TFCP2: variants seen among roughly 807,000 people sequenced by gnomAD.
TFCP2 encodes alpha-globin transcription factor CP2.
In TFCP2, 33 loss-of-function variants were observed where a neutral mutation model predicts 73.4. The observed-to-expected ratio is 0.45, with a 90% CI of 0.34 to 0.60. The LOEUF (loss-of-function observed/expected upper bound fraction) is 0.60. Ranked by LOEUF, TFCP2 falls within the 20% of genes least tolerant of loss-of-function variation. TFCP2 has a pLI of 0.01. For synonymous variants in TFCP2, 193 were observed against 211.6 expected (o/e 0.91, Z 0.76); for missense variants, 352 against 604.0 (o/e 0.58, Z 4.37).
At chr12:51,103,886 TC>T in intron 9 of TFCP2, 123 bp from the exon 10 acceptor site, 1 of 823,866 alleles carries the variant, frequency 1.2e-6, no homozygotes, top group Non-Finnish European at 2.0e-6. Flanking sequence ...AGTTGTTTTC[TC>T]TTTCTCCAAC....
chr12:51,133,039 G>C (rs1384693639), intron 1 of TFCP2, among the ~76,000 whole-genome samples: 1 of 151,980 alleles, frequency 6.6e-6, no homozygotes. Flanking sequence ...AGATAACAAA[G>C]CTTCTAAAAA....
intron 1 of TFCP2, among the ~76,000 whole-genome samples, chr12:51,120,048 G>A (rs1940621530): frequency 1.3e-5 from 2 of 151,504 alleles, no homozygotes; most frequent in South Asian, 2.1e-4. Flanking sequence ...GTGTGGTGGC[G>A]CATGCCTGTG....
Position 51,103,715 on chromosome 12 carries a change from G to A in TFCP2, c.1015C>T (p.Arg339Ter), listed in dbSNP as rs1046399123. ...TPQEAQQWLH[R>*]NRFSTFTRLF... ...CTTGTGAATGTAGAAAAACGATTTCGATGCAACCACTGCTGAGCTTCCTGA... is the reference window on the plus strand; with the variant it reads ...CTTGTGAATGTAGAAAAACGATTTCAATGCAACCACTGCTGAGCTTCCTGA... Residue 339 changes from arginine to a stop codon, truncating the protein, a stop_gained, in exon 10 of 15, where the codon CGA (arginine) becomes TGA (stop). Coordinates refer to ENST00000257915, the MANE Select transcript of TFCP2 (RefSeq NM_005653.5). LOFTEE classifies it high-confidence loss of function. 1.2e-6 allele frequency: 2 copies of A among 1,614,064 alleles called. No homozygotes were observed. Among genetic ancestry groups the A allele is most frequent in the Non-Finnish European group, 1.7e-6 (2 of 1,179,992 alleles).
chr12:51,152,914 T>C (rs980461043), intron 1 of TFCP2, among the ~76,000 whole-genome samples: 1 of 150,620 alleles, frequency 6.6e-6, no homozygotes, highest in Admixed American at 6.6e-5. Context: ...CAGAACTCTT[T>C]TCATCTTGCA....
At chr12:51,171,427 GAGTGCAATGACACCATCTCTGCTCACT>G (rs753794728) in intron 1 of TFCP2, among the ~76,000 whole-genome samples, 4 of 152,184 alleles carry the variant, frequency 2.6e-5, no homozygotes, top group Non-Finnish European at 5.9e-5. Context: ...GCCCAGGCTG[GAGTGCAATGACACCATCTCTGCTCACT>G]GCAACCTCCG....
In TFCP2 at chr12:51,118,714, C is replaced by T; in HGVS notation, c.181G>A (p.Glu61Lys). ...TATTGAAAAGGCAGGATTTTATTCT[C>T]ATTATCAGGAGGCAAACTCGACTCT... is the stretch of plus-strand genomic sequence containing the variant. ...QEESSLPPDN[E>K]NKILPFQYVL... Residue 61 changes from glutamate (E) to lysine (K), a missense_variant, in exon 2 of 15, where the codon GAG (glutamate) becomes AAG (lysine). Physicochemically the swap from Glu to Lys is moderately conservative, Grantham distance 56. This residue lies in a region of TFCP2 where 76 missense variants were observed against 163.2 expected (regional missense o/e 0.47). Coordinates refer to ENST00000257915, the MANE Select transcript of TFCP2 (RefSeq NM_005653.5). 1 of 1,614,138 alleles carries T rather than the reference C, an allele frequency of 6.2e-7. No individual in the cohort carries two copies. The highest frequency in any genetic ancestry group is 8.5e-7 in the Non-Finnish European group (1 of 1,180,044).
chr12:51,094,598 T>C lies in TFCP2; in HGVS notation c.*643A>G, dbSNP rs1359177023. On this transcript the variant is annotated 3_prime_UTR_variant, in exon 15 of 15. Transcript: ENST00000257915. The stretch of plus-strand genomic sequence containing the variant: ...CCTCATCTTCGGTTGGGGGTCACTA[T>C]AGCACCTACTTCAGATAGTGTGATT... 1 of 152,330 alleles carries C rather than the reference T, an allele frequency of 6.6e-6. No homozygotes were observed. The highest frequency in any genetic ancestry group is 2.4e-5 in the African/African-American group (1 of 41,468). 9.4% of individuals were successfully genotyped at this position (152,330 alleles called of 1,614,324 possible).
intron 1 of TFCP2, among the ~76,000 whole-genome samples, chr12:51,160,945 T>C (rs1290820511): frequency 6.6e-6 from 1 of 152,170 alleles, no homozygotes; most frequent in Non-Finnish European, 1.5e-5. Flanking sequence ...ATGTGTTTCG[T>C]TCACTACTTT....
At chr12:51,125,006 A>G in intron 1 of TFCP2, 1 of 733,482 alleles carries the variant, frequency 1.4e-6, no homozygotes, top group Non-Finnish European at 2.5e-6. Flanking sequence ...TAACTTCTCC[A>G]GCATCAAAGC....
chr12:51,149,599 AT>A (rs1030957819), intron 1 of TFCP2, among the ~76,000 whole-genome samples: 4 of 151,900 alleles, frequency 2.6e-5, no homozygotes, highest in Admixed American at 6.6e-5. Flanking sequence ...TTTTTTCTTA[AT>A]TTTTTTTCTT....
At chr12:51,120,202 G>GCC (rs1566209542) in intron 1 of TFCP2, among the ~76,000 whole-genome samples, 1 of 80,854 alleles carries the variant, frequency 1.2e-5, no homozygotes, top group African/African-American at 4.5e-5. Context: ...AAAAAAAAAA[G>GCC]AACAACAACA....
intron 1 of TFCP2, among the ~76,000 whole-genome samples, chr12:51,143,449 A>G (rs1485324464): frequency 6.6e-6 from 1 of 151,176 alleles, no homozygotes; most frequent in Non-Finnish European, 1.5e-5. Context: ...TCTATAAAAT[A>G]TATCTTGAGT....
At chr12:51,158,851 T>C (rs1174590995) in intron 1 of TFCP2, among the ~76,000 whole-genome samples, 5 of 150,570 alleles carry the variant, frequency 3.3e-5, no homozygotes, top group African/African-American at 1.2e-4. Context: ...ACGGGGAGTA[T>C]GGTGCCAGTC....
intron 1 of TFCP2, among the ~76,000 whole-genome samples, chr12:51,170,574 C>T (rs1244789944): frequency 6.6e-6 from 1 of 151,922 alleles, no homozygotes; most frequent in African/African-American, 2.4e-5. Context: ...ATCCTCCAGT[C>T]TCCACCCCCC....
intron 11 of TFCP2, among the ~76,000 whole-genome samples, chr12:51,100,044 T>C (rs1208717241): frequency 6.6e-6 from 1 of 152,198 alleles, no homozygotes; most frequent in African/African-American, 2.4e-5. Context: ...CTAGCAATCT[T>C]AGGCCTGCAT....
At chr12:51,141,647 C>G (rs1422230793) in intron 1 of TFCP2, among the ~76,000 whole-genome samples, 1 of 151,914 alleles carries the variant, frequency 6.6e-6, no homozygotes, top group Non-Finnish European at 1.5e-5. Context: ...CACTTGTAAT[C>G]CCAGCACTTT....
At chr12:51,102,450 G>A (rs879782372) in intron 10 of TFCP2, among the ~76,000 whole-genome samples, 1 of 152,136 alleles carries the variant, frequency 6.6e-6, no homozygotes, top group Non-Finnish European at 1.5e-5. Context: ...CCTGGGCCAG[G>A]AGCAGTGACT....
In TFCP2 at chr12:51,116,406, C is replaced by T. The variant is rs188280792; in HGVS notation, c.366G>A (p.Val122=). ...NGKLVKSIFR[V]VFHDRRLQYT... Reference sequence around the variant, plus strand: ...ACTGAAGCCTTCTGTCATGGAACACCACACGGAATATACTCTAAAAGGATA... The same window carrying T: ...ACTGAAGCCTTCTGTCATGGAACACTACACGGAATATACTCTAAAAGGATA... Residue 122 remains valine, a synonymous_variant, in exon 4 of 15, where the codon GTG becomes GTA. Coordinates refer to ENST00000257915, the MANE Select transcript of TFCP2 (RefSeq NM_005653.5). 3.3e-5 allele frequency: 52 copies of T among 1,596,118 alleles called. No homozygotes were observed. In the Admixed American group the frequency reaches 8.6e-4, roughly 26 times the overall value.
chr12:51,170,914 G>A (rs761150105), intron 1 of TFCP2, among the ~76,000 whole-genome samples: 2 of 151,972 alleles, frequency 1.3e-5, no homozygotes, highest in African/African-American at 4.8e-5. Context: ...TCCTGACCTC[G>A]TGATCCGCCC....
Sources: allele counts gnomAD v4.1 joint callset (sites outside exome capture counted in the v4.1 genomes callset), GRCh38; gene constraint gnomAD v4.1.1; regional missense constraint gnomAD v4.1.1; transcripts MANE v1.5; gene names NCBI Gene and HGNC (gene_info 2026-07-23, HGNC 2026-07-21).